The following KANK1 variants were observed in gnomAD, a reference collection of about 807,000 sequenced individuals.
KANK1 encodes the protein KN motif and ankyrin repeat domain-containing protein 1.
A neutral mutation model predicts 106.2 loss-of-function variants in KANK1; 109 were observed. That is an observed-to-expected ratio of 1.03 (90% CI 0.88 to 1.20). KANK1 has a LOEUF of 1.20. Ranked by LOEUF, KANK1 falls within the 50% of genes most tolerant of loss-of-function variation. The pLI, the probability that KANK1 is intolerant of heterozygous loss-of-function variation, is 0.00. For synonymous variants in KANK1, 873 were observed against 652.2 expected (o/e 1.34, Z -5.16); for missense variants, 2,399 against 1,710.7 (o/e 1.40, Z -7.10).
At chr9:625,663 C>G (rs1343215736) in intron 1 of KANK1, among the ~76,000 whole-genome samples, 1 of 151,956 alleles carries the variant, frequency 6.6e-6, no homozygotes, top group Non-Finnish European at 1.5e-5. Flanking sequence ...GCTTTGTTAA[C>G]TGAAACAGCC....
chr9:481,601 C>A (rs374795699), intron 3 of KANK1, among the ~76,000 whole-genome samples: 1 of 152,106 alleles, frequency 6.6e-6, no homozygotes, highest in Non-Finnish European at 1.5e-5. Flanking sequence ...CCAACAACGG[C>A]GGGCAAAAAG....
chr9:643,810 C>T (rs577127664), intron 1 of KANK1, among the ~76,000 whole-genome samples: 13 of 150,374 alleles, frequency 8.6e-5, no homozygotes, highest in Non-Finnish European at 1.5e-4. Context: ...TCAAACAATT[C>T]TCCTGCCTCA....
chr9:598,480 TC>T (rs1290528671), intron 1 of KANK1, among the ~76,000 whole-genome samples: 1 of 151,516 alleles, frequency 6.6e-6, no homozygotes, highest in Non-Finnish European at 1.5e-5. Context: ...TATTAAGACT[TC>T]CAATCCATGA....
intron 4 of KANK1, 39 bp from the exon 5 acceptor site, chr9:731,119 G>C: frequency 1.8e-6 from 2 of 1,086,442 alleles, no homozygotes; most frequent in Non-Finnish European, 1.4e-6. Flanking sequence ...ACATGTATGG[G>C]TGTGAGTTTT....
chr9:518,902 T>C (rs200296135), intron 1 of KANK1, among the ~76,000 whole-genome samples: 1 of 140,008 alleles, frequency 7.1e-6, no homozygotes, highest in African/African-American at 2.7e-5. Flanking sequence ...TTTTTTTTTT[T>C]GTTTTGAGAC....
At chr9:588,594 GTGTT>G (rs778311448) in intron 1 of KANK1, among the ~76,000 whole-genome samples, 1 of 151,606 alleles carries the variant, frequency 6.6e-6, no homozygotes, top group African/African-American at 2.4e-5. Context: ...AAAAAAAAAA[GTGTT>G]TGTTTTTAAA....
rs1270460636 is a variant in KANK1 at position 599,850 on chromosome 9, T to C, written c.-83-77040T>C. On this transcript the variant is annotated intron_variant, in intron 1 of 11. Transcript: ENST00000382297. ...AGGCAGTCATGGAACCAGTCCTCCT[T>C]GTATATCGAGGGATGACTGTACTTT... 2.6e-5 allele frequency among the ~76,000 whole-genome samples: 4 copies of C among 151,956 alleles called. No individual in the cohort carries two copies. In the East Asian group the frequency reaches 7.7e-4, roughly 29 times the overall value.
chr9:514,930 G>T (rs1346784355), intron 1 of KANK1, among the ~76,000 whole-genome samples: 1 of 151,672 alleles, frequency 6.6e-6, no homozygotes, highest in African/African-American at 2.4e-5. Context: ...GTTATTGTCT[G>T]TTGTCTTATT....
At chr9:695,840 C>T (rs951103367) in intron 2 of KANK1, among the ~76,000 whole-genome samples, 1 of 152,180 alleles carries the variant, frequency 6.6e-6, no homozygotes, top group African/African-American at 2.4e-5. Flanking sequence ...AGGATTCAAA[C>T]CCAGGCAGTC....
intron 11 of KANK1, 65 bp from the exon 12 acceptor site, chr9:745,108 A>C (rs12685169): frequency 1.9e-6 from 3 of 1,585,702 alleles, no homozygotes; most frequent in Non-Finnish European, 2.6e-6. Flanking sequence ...ATCCTATGTC[A>C]CAGGGTACAC....
chr9:711,744 G>A lies in KANK1; in HGVS notation c.978G>A (p.Ala326=), dbSNP rs752770641. The change falls in exon 3 of 12, where the codon GCG becomes GCA. Residue 326 remains alanine, a synonymous_variant. Transcript: ENST00000382297. ...GTGTGAGGAAGCGGTCCTATAGTGCGGGGAACGCCTCCCAGCTGGAACAGC... is the reference window on the plus strand; with the variant it reads ...GTGTGAGGAAGCGGTCCTATAGTGCAGGGAACGCCTCCCAGCTGGAACAGC... ...VCGVRKRSYS[A]GNASQLEQLS... is the part of the protein sequence containing the mutation. 33 of 1,614,192 alleles carry A rather than the reference G, an allele frequency of 2.0e-5. No individual in the cohort carries two copies. Among genetic ancestry groups the A allele is most frequent in the Middle Eastern group, 1.6e-4 (1 of 6,062 alleles).
chr9:642,509 G>A (rs575635980), intron 1 of KANK1, among the ~76,000 whole-genome samples: 12 of 151,142 alleles, frequency 7.9e-5, no homozygotes, highest in East Asian at 1.9e-4. Context: ...TCTTGGTAGT[G>A]CATAAGGTCA....
chr9:655,069 G>A (rs1338045233), intron 1 of KANK1, among the ~76,000 whole-genome samples: 2 of 152,072 alleles, frequency 1.3e-5, no homozygotes, highest in Admixed American at 6.5e-5. Context: ...GACCTAGACA[G>A]TAATTCTAAT....
rs751291333 is a variant in KANK1, at chr9:710,985, C to T, written c.219C>T (p.Cys73=). The change falls in exon 3 of 12, where the codon TGC becomes TGT. Residue 73 remains cysteine (C), a synonymous_variant. Transcript: ENST00000382297. ...AGAGGCGGAAGCCGTCCGTGCCATG[C>T]CCAGAACCCAGGACCACATCTGGTC... is the stretch of plus-strand genomic sequence containing the variant. ...IQKRRKPSVP[C]PEPRTTSGQQ... is the part of the protein sequence containing the mutation. 6.8e-6 allele frequency: 11 copies of T among 1,614,044 alleles called. No individual in the cohort carries two copies. The highest frequency in any genetic ancestry group is 1.7e-5 in the Admixed American group (1 of 60,002).
chr9:627,789 T>A (rs1026030946), intron 1 of KANK1, among the ~76,000 whole-genome samples: 1 of 152,250 alleles, frequency 6.6e-6, no homozygotes, highest in Non-Finnish European at 1.5e-5. Context: ...GTTTTGTTCT[T>A]GTTTTTCCCT....
rs143146472 is a variant in KANK1 at position 693,614 on chromosome 9, C to G, written c.37+16605C>G. On this transcript the variant is annotated intron_variant, in intron 2 of 11. Coordinates refer to ENST00000382297, the MANE Select transcript of KANK1 (RefSeq NM_015158.5). ...AGAGTCCTGGAATTAAACCCCGTGG[C>G]CAGCAGGCTGTTAGTTCGTCAGGAA... 803 of 985,376 alleles carry G rather than the reference C, an allele frequency of 8.1e-4. 7 individuals are homozygous for G. The African/African-American group carries it at 0.012, about 15-fold the overall frequency. The allele number at this position is 985,376 out of a possible 1,614,324, so 61.0% of individuals were successfully genotyped here.
At chr9:681,260 C>T (rs1202486616) in intron 2 of KANK1, among the ~76,000 whole-genome samples, 1 of 152,136 alleles carries the variant, frequency 6.6e-6, no homozygotes, top group Non-Finnish European at 1.5e-5. Context: ...GTACTGCTAA[C>T]AGTACTGCAG....
chr9:664,578 G>C lies in KANK1; in HGVS notation c.-83-12312G>C, dbSNP rs561227862. On this transcript the variant is annotated intron_variant, in intron 1 of 11. Transcript: ENST00000382297. ...TCCACATTTTCTTTATTCATCCATT[G>C]ATGGACACTTAGGTTGATTCCATAT... 3.3e-5 allele frequency among the ~76,000 whole-genome samples: 5 copies of C among 152,192 alleles called. No individual in the cohort carries two copies. In the South Asian group the frequency reaches 1.0e-3, roughly 32 times the overall value.
At chr9:558,662 A>G (rs113237036) in intron 1 of KANK1, among the ~76,000 whole-genome samples, 28 of 151,592 alleles carry the variant, frequency 1.8e-4, no homozygotes, top group African/African-American at 4.8e-4. Context: ...CATTTTAAAC[A>G]GCAAAATCAC....
Sources: gnomAD v4.1 joint callset for allele counts (sites outside exome capture counted in the v4.1 genomes callset) on GRCh38, gnomAD v4.1.1 for gene constraint, MANE v1.5 for transcripts, NCBI Gene and HGNC (gene_info 2026-07-23, HGNC 2026-07-21) for gene names.